Variants in AGBL1 observed in about 807,000 individuals in gnomAD.
AGBL1 encodes the protein AGBL carboxypeptidase 1.
Under a neutral mutation model 118.9 loss-of-function variants are expected in AGBL1, and 130 were observed. That is an observed-to-expected ratio of 1.09 (90% CI 0.95 to 1.26). AGBL1 has a LOEUF of 1.26. Among genes scored for constraint, AGBL1 ranks in the 50% most tolerant of loss-of-function variants. AGBL1 has a pLI of 0.00. For missense variants in AGBL1, 1,584 were observed against 1,298.1 expected (o/e 1.22, Z -3.38); for synonymous variants, 555 against 478.9 (o/e 1.16, Z -2.08).
At position 86,674,278 on chromosome 15, in the gene AGBL1, A is replaced by G; in HGVS notation, c.3000A>G (p.Leu1000=). The change falls in exon 22 of 23, where the codon CTA becomes CTG. Residue 1000 remains leucine (L), a synonymous_variant. Coordinates refer to ENST00000614907, the MANE Select transcript of AGBL1 (RefSeq NM_001386094.1). ...CGCNQGPYQG[L]QFGTRELEEM... is the part of the protein sequence containing the mutation. ...ATGCTTTGTTTAACTGGCAGGGTCT[A>G]CAGTTTGGTACCAGAGAACTGGAGG... 6.2e-7 allele frequency: 1 copy of G among 1,609,862 alleles called. No individual in the cohort carries two copies. The highest frequency in any genetic ancestry group is 8.5e-7 in the Non-Finnish European group (1 of 1,177,738).
chr15:86,884,840 A>G (rs532915509), intron 22 of AGBL1, among the ~76,000 whole-genome samples: 5 of 152,164 alleles, frequency 3.3e-5, no homozygotes, highest in South Asian at 2.1e-4. Flanking sequence ...AAGCAATGCC[A>G]TTGAGTAAAA....
chr15:86,670,648 G>GTA lies in AGBL1; in HGVS notation c.2995-3624_2995-3623insAT, dbSNP rs140181221. ...ACACAAACACGCTGTGTGTGTGTGT[G>GTA]TGTATATATATATATAGCAAACTTA... On this transcript the variant is annotated intron_variant, in intron 21 of 22. Transcript: ENST00000614907. Among the ~76,000 whole-genome samples, 307 of 41,694 alleles carry GTA rather than the reference G, an allele frequency of 7.4e-3. 7 individuals are homozygous for GTA. In the East Asian group the frequency reaches 0.08, roughly 11 times the overall value. The allele number at this position is 41,694 out of a possible 152,430, so 27.4% of individuals were successfully genotyped here.
At chr15:86,175,757 A>T (rs906046833) in intron 5 of AGBL1, among the ~76,000 whole-genome samples, 3 of 152,150 alleles carry the variant, frequency 2.0e-5, no homozygotes, top group Admixed American at 2.0e-4. Flanking sequence ...CCTTGACTCA[A>T]TGGCCATTCA....
chr15:86,465,526 G>T (rs574205392), intron 18 of AGBL1, among the ~76,000 whole-genome samples: 1 of 152,156 alleles, frequency 6.6e-6, no homozygotes, highest in Non-Finnish European at 1.5e-5. Flanking sequence ...TTCAGAAAGC[G>T]AATAGGAGAA....
In AGBL1 at chr15:86,554,429, G is replaced by A; in HGVS notation, c.2886G>A (p.Glu962=). The A allele has an allele frequency of 6.3e-7, 1 of 1,587,912 alleles. No individual in the cohort carries two copies. The highest frequency in any genetic ancestry group is 1.2e-5 in the South Asian group (1 of 86,698). ...FTMSSCSFLV[E]KSRASTARVV... ...TGAGCAGCTGCAGCTTTCTCGTGGAGAAATCTCGAGCTTCCACGGCCCGGG... is the reference window on the plus strand; with the variant it reads ...TGAGCAGCTGCAGCTTTCTCGTGGAAAAATCTCGAGCTTCCACGGCCCGGG... Residue 962 remains glutamate (E), a synonymous_variant, in exon 21 of 23, where the codon GAG becomes GAA. Transcript: ENST00000614907.
At chr15:86,783,478 G>A (rs1024824217) in intron 22 of AGBL1, among the ~76,000 whole-genome samples, 2 of 152,190 alleles carry the variant, frequency 1.3e-5, no homozygotes, top group African/African-American at 2.4e-5. Flanking sequence ...GGAAGAATGT[G>A]TGGTCTATGT....
intron 22 of AGBL1, among the ~76,000 whole-genome samples, chr15:86,694,331 C>G (rs2086220086): frequency 6.6e-6 from 1 of 151,770 alleles, no homozygotes; most frequent in Non-Finnish European, 1.5e-5. Flanking sequence ...AGATATATTC[C>G]TAAGTATTTA....
In AGBL1 at chr15:86,157,391, C is replaced by A. The variant is rs570341828; in HGVS notation, c.395-1542C>A. Among the ~76,000 whole-genome samples, 9 of 152,190 alleles carry A rather than the reference C, an allele frequency of 5.9e-5. No individual in the cohort carries two copies. In the South Asian group the frequency reaches 1.9e-3, roughly 32 times the overall value. The stretch of plus-strand genomic sequence containing the variant: ...CCACATTTGCAGTGTGCCAGCAGAG[C>A]GAAATTTGAAGCATTTCCTGGTTTC... On this transcript the variant is annotated intron_variant, in intron 4 of 22. Coordinates refer to ENST00000614907, the MANE Select transcript of AGBL1 (RefSeq NM_001386094.1).
intron 20 of AGBL1, among the ~76,000 whole-genome samples, chr15:86,547,956 C>T (rs1037670136): frequency 6.6e-6 from 1 of 152,096 alleles, no homozygotes; most frequent in African/African-American, 2.4e-5. Context: ...TTTGGGGTCC[C>T]ACATAGTATA....
intron 22 of AGBL1, among the ~76,000 whole-genome samples, chr15:86,775,505 G>A (rs1425736014): frequency 6.6e-6 from 1 of 152,068 alleles, no homozygotes; most frequent in Non-Finnish European, 1.5e-5. Context: ...AGATGACATA[G>A]AAATTCAGGC....
intron 11 of AGBL1, 84 bp downstream of exon 11, chr15:86,264,922 C>T: frequency 8.1e-7 from 1 of 1,240,320 alleles, no homozygotes. Context: ...GATAATTCTA[C>T]TATCTATAGG....
At chr15:86,872,898 G>A (rs1249786217) in intron 22 of AGBL1, among the ~76,000 whole-genome samples, 3 of 152,144 alleles carry the variant, frequency 2.0e-5, no homozygotes, top group Non-Finnish European at 2.9e-5. Flanking sequence ...CCAATGTGAA[G>A]ACACTTATTC....
intron 18 of AGBL1, among the ~76,000 whole-genome samples, chr15:86,413,980 T>C (rs1315482487): frequency 6.6e-6 from 1 of 152,148 alleles, no homozygotes; most frequent in Non-Finnish European, 1.5e-5. Flanking sequence ...CACAATGGAA[T>C]ACTATTCAGC....
At position 86,786,143 on chromosome 15, in the gene AGBL1, ATGTGCACAG is replaced by A. The variant is rs1288607665; in HGVS notation, c.3158+111714_3158+111722del. On this transcript the variant is annotated intron_variant, in intron 22 of 22. Transcript: ENST00000614907. ...TATTATACTTTAAGTTTTAGGGTAC[ATGTGCACAG>A]TGTGCAGGTTAGTTAGATATGTATA... Among the ~76,000 whole-genome samples, 3 of 152,064 alleles carry A rather than the reference ATGTGCACAG, an allele frequency of 2.0e-5. No individual in the cohort carries two copies. The East Asian group carries it at 5.8e-4, about 29-fold the overall frequency.
chr15:86,173,121 C>T (rs1182649120), intron 5 of AGBL1: 1 of 152,010 alleles, frequency 6.6e-6, no homozygotes, highest in African/African-American at 2.4e-5. Flanking sequence ...AGCATTTTTT[C>T]ATATATCTGT....
chr15:86,518,537 G>T (rs2083149520), intron 18 of AGBL1, among the ~76,000 whole-genome samples: 1 of 152,044 alleles, frequency 6.6e-6, no homozygotes, highest in South Asian at 2.1e-4. Context: ...ATTTTCTGGA[G>T]ATCAGAAGCT....
intron 17 of AGBL1, among the ~76,000 whole-genome samples, chr15:86,374,617 G>A (rs142874975): frequency 4.6e-5 from 7 of 152,262 alleles, no homozygotes; most frequent in Non-Finnish European, 7.4e-5. Flanking sequence ...CATAAATTGA[G>A]GATCATCAGT....
chr15:86,421,320 G>GA lies in AGBL1; in HGVS notation c.2555+23782dup, dbSNP rs201561523. Among the ~76,000 whole-genome samples the GA allele has an allele frequency of 6.3e-3, 953 of 151,498 alleles. 5 individuals are homozygous for GA. Among genetic ancestry groups the GA allele is most frequent in the African/African-American group, 0.012 (491 of 41,376 alleles). ...GGGGCCAATATTCAACATTCTTAAA[G>GA]AAAAAAAACTCAGAATTTCATATCC... On this transcript the variant is annotated intron_variant, in intron 18 of 22. Coordinates refer to ENST00000614907, the MANE Select transcript of AGBL1 (RefSeq NM_001386094.1).
intron 22 of AGBL1, among the ~76,000 whole-genome samples, chr15:86,779,614 T>A (rs1036471429): frequency 6.6e-6 from 1 of 152,134 alleles, no homozygotes; most frequent in Non-Finnish European, 1.5e-5. Context: ...ATTCAACTTG[T>A]AGTTGATACT....
Sources: allele counts gnomAD v4.1 joint callset (sites outside exome capture counted in the v4.1 genomes callset), GRCh38; gene constraint gnomAD v4.1.1; transcripts MANE v1.5; gene names NCBI Gene and HGNC (gene_info 2026-07-23, HGNC 2026-07-21).